ARB2A: variants seen among roughly 807,000 people sequenced by gnomAD.
ARB2A encodes ARB2 cotranscriptional regulator A.
the ARB2A span, among the ~76,000 whole-genome samples, chr5:93,692,124 G>C: frequency 6.6e-6 from 1 of 152,032 alleles, no homozygotes; most frequent in African/African-American, 2.4e-5. Flanking sequence ...TAACTAACGG[G>C]CAAAATAACC....
At chr5:94,066,017 A>G in the ARB2A span, among the ~76,000 whole-genome samples, 1 of 152,202 alleles carries the variant, frequency 6.6e-6, no homozygotes, top group Non-Finnish European at 1.5e-5. Flanking sequence ...AAAAAAAATC[A>G]TATCATGTAT....
chr5:93,694,174 G>C, the ARB2A span, among the ~76,000 whole-genome samples: 3 of 152,120 alleles, frequency 2.0e-5, no homozygotes, highest in Non-Finnish European at 4.4e-5. Flanking sequence ...ACACAGTATT[G>C]GAAGTTCTGG....
At chr5:93,826,156 A>G in the ARB2A span, among the ~76,000 whole-genome samples, 1 of 152,164 alleles carries the variant, frequency 6.6e-6, no homozygotes, top group South Asian at 2.1e-4. Flanking sequence ...TAATGTGAAA[A>G]ACAAAAACAA....
chr5:93,737,155 A>G, the ARB2A span: 3 of 152,228 alleles, frequency 2.0e-5, no homozygotes, highest in Admixed American at 6.5e-5. Flanking sequence ...AGCGATGAAC[A>G]ATTTCAAAAG....
the ARB2A span, among the ~76,000 whole-genome samples, chr5:93,844,704 T>C: frequency 2.0e-5 from 3 of 152,236 alleles, no homozygotes; most frequent in East Asian, 5.8e-4. Flanking sequence ...AGATGACAGC[T>C]GGACACCACA....
chr5:93,633,803 C>T, the ARB2A span, among the ~76,000 whole-genome samples: 1,949 of 152,174 alleles, frequency 0.013, 168 homozygotes, highest in Admixed American at 0.12. Context: ...ATTGACAAAT[C>T]TACCCTGTCT....
the ARB2A span, among the ~76,000 whole-genome samples, chr5:93,938,785 T>A: frequency 6.6e-6 from 1 of 152,130 alleles, no homozygotes; most frequent in Non-Finnish European, 1.5e-5. Flanking sequence ...TTTGTTAATT[T>A]CCAGGAAAAA....
the ARB2A span, chr5:93,881,535 G>A: frequency 2.9e-5 from 46 of 1,610,590 alleles, no homozygotes; most frequent in African/African-American, 9.4e-5. Context: ...TAGAAATCAC[G>A]TCGCTTCTTT....
At chr5:93,760,004 G>C in the ARB2A span, among the ~76,000 whole-genome samples, 1 of 152,132 alleles carries the variant, frequency 6.6e-6, no homozygotes, top group African/African-American at 2.4e-5. Context: ...ACCCTGAAAA[G>C]TTCTCCAGAA....
chr5:94,018,153 C>A, the ARB2A span, among the ~76,000 whole-genome samples: 2 of 152,050 alleles, frequency 1.3e-5, no homozygotes, highest in Non-Finnish European at 2.9e-5. Flanking sequence ...TAAAAATGAA[C>A]CAATATAGAT....
the ARB2A span, among the ~76,000 whole-genome samples, chr5:93,902,364 TA>T: frequency 6.6e-6 from 1 of 152,146 alleles, no homozygotes; most frequent in Non-Finnish European, 1.5e-5. Context: ...ATTTTAGACA[TA>T]TATTTGCTAT....
chr5:93,910,011 A>ACT, the ARB2A span, among the ~76,000 whole-genome samples: 2 of 151,106 alleles, frequency 1.3e-5, no homozygotes, highest in African/African-American at 2.4e-5. Context: ...TTACTTTTAA[A>ACT]TATATTCAAA....
chr5:93,735,179 A>T, the ARB2A span: 1 of 152,156 alleles, frequency 6.6e-6, no homozygotes, highest in African/African-American at 2.4e-5. Flanking sequence ...TGTTTAAGGG[A>T]TCTTCTGATT....
At chr5:93,782,875 G>T in the ARB2A span, among the ~76,000 whole-genome samples, 3 of 152,060 alleles carry the variant, frequency 2.0e-5, no homozygotes, top group African/African-American at 7.2e-5. Flanking sequence ...AGGGAACTGA[G>T]AGAACTATCC....
chr5:94,066,255 A>C, the ARB2A span, among the ~76,000 whole-genome samples: 1 of 152,142 alleles, frequency 6.6e-6, no homozygotes, highest in East Asian at 1.9e-4. Flanking sequence ...AAAGATTTCA[A>C]ATAATCTAAG....
chr5:94,084,510 A>T, the ARB2A span, among the ~76,000 whole-genome samples: 2 of 152,186 alleles, frequency 1.3e-5, no homozygotes, highest in Non-Finnish European at 2.9e-5. Flanking sequence ...ATTCTACTCA[A>T]ACCCCAAAAT....
At chr5:93,658,329 T>C in the ARB2A span, among the ~76,000 whole-genome samples, 22 of 152,266 alleles carry the variant, frequency 1.4e-4, no homozygotes, top group African/African-American at 4.8e-4. Flanking sequence ...AGTAAAGTTA[T>C]GATAAATATA....
the ARB2A span, among the ~76,000 whole-genome samples, chr5:93,628,903 G>A: frequency 3.9e-5 from 6 of 152,196 alleles, no homozygotes; most frequent in African/African-American, 1.4e-4. Context: ...TATCATTCAT[G>A]TGTTCACTGG....
At chr5:93,799,133 C>G in the ARB2A span, among the ~76,000 whole-genome samples, 2 of 152,092 alleles carry the variant, frequency 1.3e-5, no homozygotes, top group Non-Finnish European at 2.9e-5. Context: ...TGATGAACAT[C>G]TCAGTCATAT....
Sources: gnomAD v4.1 joint callset for allele counts (sites outside exome capture counted in the v4.1 genomes callset) on GRCh38, gnomAD v4.1.1 for gene constraint, MANE v1.5 for transcripts, NCBI Gene and HGNC (gene_info 2026-07-23, HGNC 2026-07-21) for gene names.